Variants in COBLL1 observed in about 807,000 individuals in gnomAD.
COBLL1 encodes the protein cordon-bleu protein-like 1.
A neutral mutation model predicts 94.8 loss-of-function variants in COBLL1; 50 were observed. That is an observed-to-expected ratio of 0.53 (90% confidence interval 0.42 to 0.67). COBLL1 has a LOEUF of 0.67. Ranked by LOEUF, COBLL1 falls within the 30% of genes least tolerant of loss-of-function variation. The probability of loss-of-function intolerance (pLI) is 0.00; values close to 1 mark genes in which losing one functional copy is unlikely to be tolerated. For missense variants in COBLL1, 1,362 were observed against 1,348.7 expected (o/e 1.01, Z -0.15); for synonymous variants, 448 against 473.8 (o/e 0.95, Z 0.71).
intron 13 of COBLL1, among the ~76,000 whole-genome samples, chr2:164,688,625 T>TATAACA (rs1683430575): frequency 6.6e-6 from 1 of 152,206 alleles, no homozygotes; most frequent in South Asian, 2.1e-4. Flanking sequence ...GGAATGCAAC[T>TATAACA]ATAACAATTT....
At chr2:164,806,824 T>C (rs1476278615) in intron 2 of COBLL1, among the ~76,000 whole-genome samples, 2 of 152,128 alleles carry the variant, frequency 1.3e-5, no homozygotes, top group Non-Finnish European at 2.9e-5. Flanking sequence ...CCCAGCCTCC[T>C]GAGTAGCAGG....
intron 2 of COBLL1, among the ~76,000 whole-genome samples, chr2:164,752,724 A>G (rs1463754431): frequency 6.6e-6 from 1 of 152,114 alleles, no homozygotes; most frequent in South Asian, 2.1e-4. Context: ...ATGTACCCAT[A>G]CCCCAGCCCT....
intron 2 of COBLL1, among the ~76,000 whole-genome samples, chr2:164,771,226 C>T (rs886391272): frequency 1.8e-4 from 27 of 151,944 alleles, no homozygotes; most frequent in African/African-American, 6.5e-4. Flanking sequence ...CCACAGATGA[C>T]GTTGACCAAC....
At chr2:164,665,465 A>T (rs562975304) in intron 2 of COBLL1, among the ~76,000 whole-genome samples, 15 of 143,440 alleles carry the variant, frequency 1.0e-4, no homozygotes, top group African/African-American at 2.5e-4. Context: ...ACTGTAGTTT[A>T]AAAAAAAAAA....
At position 164,730,124 on chromosome 2, in the gene COBLL1, C is replaced by A; in HGVS notation, c.231-9G>T. Reference sequence around the variant, plus strand: ...AGTCCATCATAGGTTTACTGTAAAACAAGAGTATTTCATTACCCGTTATTG... The same window carrying A: ...AGTCCATCATAGGTTTACTGTAAAAAAAGAGTATTTCATTACCCGTTATTG... On this transcript the variant is annotated splice_polypyrimidine_tract_variant and intron_variant, in intron 3 of 13. Coordinates refer to ENST00000652658, the MANE Select transcript of COBLL1 (RefSeq NM_001365672.2). The A allele has an allele frequency of 6.2e-7, 1 of 1,605,644 alleles. No homozygotes were observed. Among genetic ancestry groups the A allele is most frequent in the Non-Finnish European group, 8.5e-7 (1 of 1,172,604 alleles).
intron 2 of COBLL1, among the ~76,000 whole-genome samples, chr2:164,744,650 T>C (rs192591467): frequency 6.6e-6 from 1 of 152,254 alleles, no homozygotes; most frequent in Admixed American, 6.5e-5. Context: ...TGAGACCCTA[T>C]CTCAAAGAAT....
intron 2 of COBLL1, among the ~76,000 whole-genome samples, chr2:164,770,309 G>GAAAAAAAAAAA (rs1018453694): frequency 7.0e-6 from 1 of 142,326 alleles, no homozygotes; most frequent in Non-Finnish European, 1.5e-5. Flanking sequence ...GAAACAAAAA[G>GAAAAAAAAAAA]AAAAAAAAAA....
At chr2:164,677,107 A>G (rs1276383168), downstream of COBLL1, among the ~76,000 whole-genome samples, 1 of 152,110 alleles carries the variant, frequency 6.6e-6, no homozygotes, top group African/African-American at 2.4e-5. Context: ...CTTAGCAAAC[A>G]TATGTACATC....
In COBLL1 at chr2:164,758,590, T is replaced by C. The variant is rs570662111; in HGVS notation, c.42-14715A>G. On this transcript the variant is annotated intron_variant, in intron 2 of 13. Coordinates refer to ENST00000652658, the MANE Select transcript of COBLL1 (RefSeq NM_001365672.2). ...TGTGTTTGTTGCCTTGCAAGCAACA[T>C]ATATGGGAGAATCACTGTGGTTTAG... Among the ~76,000 whole-genome samples, 24 of 152,212 alleles carry C rather than the reference T, an allele frequency of 1.6e-4. No individual in the cohort carries two copies. The South Asian group carries it at 5.0e-3, about 32-fold the overall frequency.
intron 2 of COBLL1, among the ~76,000 whole-genome samples, chr2:164,814,327 A>G (rs1433930166): frequency 2.0e-5 from 3 of 152,154 alleles, no homozygotes; most frequent in African/African-American, 7.2e-5. Flanking sequence ...GCATCTAATA[A>G]GGTCTTAATA....
chr2:164,775,575 G>C (rs550913220), intron 2 of COBLL1, among the ~76,000 whole-genome samples: 103 of 152,274 alleles, frequency 6.8e-4, no homozygotes, highest in Non-Finnish European at 1.3e-3. Flanking sequence ...TAATTCTCCT[G>C]CCTCAGCTTC....
chr2:164,659,870 T>C (rs961304424), intron 2 of COBLL1, among the ~76,000 whole-genome samples: 1 of 152,134 alleles, frequency 6.6e-6, no homozygotes, highest in Non-Finnish European at 1.5e-5. Flanking sequence ...CCACACAAAG[T>C]TGCTTCAGTT....
intron 2 of COBLL1, among the ~76,000 whole-genome samples, chr2:164,795,493 T>C (rs3820990): frequency 0.36 from 54,230 of 152,042 alleles, 9,889 homozygotes; most frequent in Admixed American, 0.41. Context: ...TCTTCTAAAT[T>C]TTTCTTACTC....
At chr2:164,748,795 A>T (rs2105578381) in intron 2 of COBLL1, among the ~76,000 whole-genome samples, 1 of 152,302 alleles carries the variant, frequency 6.6e-6, no homozygotes, top group East Asian at 1.9e-4. Flanking sequence ...ACATCAGGGC[A>T]AAAATTCATT....
chr2:164,800,970 G>A (rs1683746056), intron 2 of COBLL1, among the ~76,000 whole-genome samples: 1 of 152,154 alleles, frequency 6.6e-6, no homozygotes, highest in Admixed American at 6.5e-5. Flanking sequence ...TCCTGATAGT[G>A]GTGGGAATTT....
intron 7 of COBLL1, among the ~76,000 whole-genome samples, chr2:164,719,235 T>C (rs1307610503): frequency 6.6e-6 from 1 of 152,122 alleles, no homozygotes; most frequent in Admixed American, 6.6e-5. Flanking sequence ...ACTTGAGCTT[T>C]TCAGTCTGGT....
At chr2:164,818,819 G>C (rs768958205) in intron 2 of COBLL1, among the ~76,000 whole-genome samples, 59 of 147,472 alleles carry the variant, frequency 4.0e-4, no homozygotes, top group Non-Finnish European at 7.1e-4. Flanking sequence ...TCTGTCACTC[G>C]GTGCTGTGGT....
At chr2:164,734,838 A>T (rs1466825767) in intron 3 of COBLL1, among the ~76,000 whole-genome samples, 3 of 152,228 alleles carry the variant, frequency 2.0e-5, no homozygotes, top group African/African-American at 7.2e-5. Context: ...TCTACAAGCC[A>T]TCACTAAGGT....
intron 2 of COBLL1, among the ~76,000 whole-genome samples, chr2:164,804,943 T>C (rs1419024256): frequency 6.6e-6 from 1 of 152,126 alleles, no homozygotes; most frequent in African/African-American, 2.4e-5. Context: ...TAATTTCTGA[T>C]TTTAAAATTA....
Sources: allele counts gnomAD v4.1 joint callset (sites outside exome capture counted in the v4.1 genomes callset), GRCh38; gene constraint gnomAD v4.1.1; transcripts MANE v1.5; gene names NCBI Gene and HGNC (gene_info 2026-07-23, HGNC 2026-07-21).